DUSP29: variants seen among roughly 807,000 people sequenced by gnomAD.
DUSP29 encodes dual specificity phosphatase 29.
DUSP29 carries 12 observed loss-of-function variants against 13.5 expected under a neutral mutation model. That is an observed-to-expected ratio of 0.89 (90% CI 0.57 to 1.44). The LOEUF is 1.44. Ranked by LOEUF, DUSP29 falls within the 40% of genes most tolerant of loss-of-function variation. The pLI is 0.00. For missense variants in DUSP29, 308 were observed against 301.1 expected (o/e 1.02, Z -0.17); for synonymous variants, 134 against 128.7 (o/e 1.04, Z -0.28).
chr10:75,047,222 G>A (rs776431470), intron 2 of DUSP29, among the ~76,000 whole-genome samples: 1 of 152,164 alleles, frequency 6.6e-6, no homozygotes, highest in African/African-American at 2.4e-5. Flanking sequence ...TCACTCTGGG[G>A]ACTTCCCCCA....
At chr10:75,068,795 GT>G (rs1847257905) in intron 1 of DUSP29, among the ~76,000 whole-genome samples, 2 of 152,158 alleles carry the variant, frequency 1.3e-5, no homozygotes, top group Admixed American at 1.3e-4. Context: ...TTTTAACTTA[GT>G]ACAAGTTAGT....
At chr10:75,040,568 G>A (rs1175024009) in intron 3 of DUSP29, among the ~76,000 whole-genome samples, 1 of 152,186 alleles carries the variant, frequency 6.6e-6, no homozygotes, top group African/African-American at 2.4e-5. Context: ...CCTATAACCA[G>A]CTGGCATGAC....
chr10:75,055,199 GA>G (rs1184459856), intron 2 of DUSP29, among the ~76,000 whole-genome samples: 1 of 151,644 alleles, frequency 6.6e-6, no homozygotes, highest in Non-Finnish European at 1.5e-5. Context: ...GTTATTAAAA[GA>G]CTAGAGATGT....
At chr10:75,057,227 T>A (rs1846980551) in intron 2 of DUSP29, among the ~76,000 whole-genome samples, 2 of 151,022 alleles carry the variant, frequency 1.3e-5, no homozygotes, top group South Asian at 4.2e-4. Context: ...TGAGCCGAGG[T>A]CACACCACTC....
At chr10:75,039,106 A>G (rs1027958429) in intron 3 of DUSP29, among the ~76,000 whole-genome samples, 3 of 152,178 alleles carry the variant, frequency 2.0e-5, no homozygotes, top group African/African-American at 7.2e-5. Flanking sequence ...AACTTCTGTC[A>G]GAGCTCCTAG....
chr10:75,043,816 T>G lies in DUSP29; in HGVS notation c.402A>C (p.Arg134Ser), dbSNP rs1406276514. The change falls in exon 3 of 4, where the codon AGA (arginine) becomes AGC (serine). Residue 134 changes from arginine (R) to serine (S), a missense_variant. Transcript: ENST00000338487. ...FFYPAAAFID[R>S]ALSDDHSKIL... ...TCTTACTGTGGTCGTCGCTTAGCGC[T>G]CTGTCGATGAAGGCTGCCGCCGGGT... 6.2e-7 allele frequency: 1 copy of G among 1,613,402 alleles called. No homozygotes were observed. Among genetic ancestry groups the G allele is most frequent in the Admixed American group, 1.7e-5 (1 of 60,010 alleles).
chr10:75,038,217 G>A, intron 3 of DUSP29, 140 bp from the exon 4 acceptor site: 5 of 1,136,642 alleles, frequency 4.4e-6, no homozygotes, highest in East Asian at 2.6e-5. Flanking sequence ...TGCCTCTGTA[G>A]AACGGGGACA....
rs761560248 is a variant in DUSP29, at chr10:75,043,757, C to A, written c.421+40G>T. On this transcript the variant is annotated intron_variant, in intron 3 of 3. Coordinates refer to ENST00000338487, the MANE Select transcript of DUSP29 (RefSeq NM_001003892.3). ...ACGGGCGGGGCGAGTCGGGGCGGGG[C>A]GGGGCGGGGCCGATCGGGGCGGGGC... The A allele has an allele frequency of 1.0e-4, 121 of 1,179,162 alleles. No individual in the cohort carries two copies. The South Asian group carries it at 1.2e-3, about 12-fold the overall frequency. The allele number at this position is 1,179,162 out of a possible 1,614,324, so 73.0% of individuals were successfully genotyped here. A position where few individuals can be genotyped will look rare whatever the true frequency, so the allele number is the denominator to read the frequency against.
chr10:75,045,343 C>A (rs1846683775), intron 2 of DUSP29, among the ~76,000 whole-genome samples: 1 of 151,990 alleles, frequency 6.6e-6, no homozygotes, highest in African/African-American at 2.4e-5. Flanking sequence ...GCACTCCAGC[C>A]TGGGTGACAG....
At chr10:75,056,990 T>A (rs1031763643) in intron 2 of DUSP29, among the ~76,000 whole-genome samples, 2 of 152,138 alleles carry the variant, frequency 1.3e-5, no homozygotes, top group African/African-American at 4.8e-5. Context: ...TAAAATCACA[T>A]ATAGGCCGGG....
chr10:75,059,800 A>C (rs1847048127), intron 1 of DUSP29, among the ~76,000 whole-genome samples: 1 of 152,220 alleles, frequency 6.6e-6, no homozygotes, highest in African/African-American at 2.4e-5. Flanking sequence ...CAAAACTGGA[A>C]CAATTTGAAC....
intron 1 of DUSP29, among the ~76,000 whole-genome samples, chr10:75,059,953 G>A (rs1296029077): frequency 6.6e-6 from 1 of 152,172 alleles, no homozygotes; most frequent in East Asian, 1.9e-4. Context: ...GAGGTCAGGA[G>A]TTCAAGACCA....
chr10:75,052,520 G>A (rs1444205684), intron 2 of DUSP29, among the ~76,000 whole-genome samples: 1 of 151,944 alleles, frequency 6.6e-6, no homozygotes, highest in Non-Finnish European at 1.5e-5. Flanking sequence ...TGTTAGCCAG[G>A]ATGGTCTCAA....
At chr10:75,040,164 AG>A in intron 3 of DUSP29, among the ~76,000 whole-genome samples, 2 of 152,286 alleles carry the variant, frequency 1.3e-5, no homozygotes, top group African/African-American at 4.8e-5. Flanking sequence ...TGACAGAGCG[AG>A]ATTCCGTCTC....
Position 75,044,228 on chromosome 10 carries a change from G to A in DUSP29, c.201-211C>T, listed in dbSNP as rs544937082. Among the ~76,000 whole-genome samples the A allele has an allele frequency of 2.6e-5, 4 of 152,334 alleles. No individual in the cohort carries two copies. The South Asian group carries it at 8.3e-4, about 32-fold the overall frequency. On this transcript the variant is annotated intron_variant, in intron 2 of 3. Transcript: ENST00000338487. Reference sequence around the variant, plus strand: ...GGCTCGGCTGTCTCAAGAAAGGACAGGGTGGAGGCTGGGGTAGGCAAGCTG... The same window carrying A: ...GGCTCGGCTGTCTCAAGAAAGGACAAGGTGGAGGCTGGGGTAGGCAAGCTG...
chr10:75,041,557 CATTT>C (rs1404417482), intron 3 of DUSP29, among the ~76,000 whole-genome samples: 5 of 152,202 alleles, frequency 3.3e-5, no homozygotes, highest in African/African-American at 1.2e-4. Flanking sequence ...CAGCCATCTT[CATTT>C]GTTTACACTC....
chr10:75,043,923 C>G lies in DUSP29; in HGVS notation c.295G>C (p.Asp99His). 6.2e-7 allele frequency: 1 copy of G among 1,613,920 alleles called. No homozygotes were observed. Among genetic ancestry groups the G allele is most frequent in the Non-Finnish European group, 8.5e-7 (1 of 1,179,946 alleles). Residue 99 changes from aspartate (D) to histidine (H), a missense_variant, in exon 3 of 4, where the codon GAC becomes CAC. Asp to His is a moderately conservative substitution (Grantham distance 81). Coordinates refer to ENST00000338487, the MANE Select transcript of DUSP29 (RefSeq NM_001003892.3). ...TGGATGTCCATGTCGCGGTAGTAGT[C>G]GGGCCCAGTGTCCACGTTCCAGCGG... ...HGRWNVDTGP[D>H]YYRDMDIQYH...
At position 75,037,881 on chromosome 10, in the gene DUSP29, C is replaced by G. The variant is rs780983689; in HGVS notation, c.618G>C (p.Arg206=). The G allele has an allele frequency of 1.9e-6, 3 of 1,612,656 alleles. No homozygotes were observed. Among genetic ancestry groups the G allele is most frequent in the Non-Finnish European group, 1.7e-6 (2 of 1,179,586 alleles). The change falls in exon 4 of 4, where the codon CGG becomes CGC. Residue 206 remains arginine (R), a synonymous_variant. Transcript: ENST00000338487. ...LDKQLVQQRR[R]SQRQDGEEED... ...CCTCCTCACCGTCCTGGCGCTGGGA[C>G]CGTCGCCTCTGCTGCACCAGCTGCT...
chr10:75,054,563 C>T (rs971779583), intron 2 of DUSP29, among the ~76,000 whole-genome samples: 2 of 152,110 alleles, frequency 1.3e-5, no homozygotes, highest in Non-Finnish European at 2.9e-5. Flanking sequence ...AAGTAATATT[C>T]GGAAAGTCTA....
Sources: gnomAD v4.1 joint callset for allele counts (sites outside exome capture counted in the v4.1 genomes callset) on GRCh38, gnomAD v4.1.1 for gene constraint, MANE v1.5 for transcripts, NCBI Gene and HGNC (gene_info 2026-07-23, HGNC 2026-07-21) for gene names.